Variants in LANCL2 observed in about 807,000 individuals in gnomAD.
LANCL2 encodes the protein lanC-like protein 2.
A neutral mutation model predicts 56.9 loss-of-function variants in LANCL2; 33 were observed. That is an observed-to-expected ratio of 0.58 (90% CI 0.44 to 0.78). The LOEUF is 0.78. Among genes scored for constraint, LANCL2 ranks in the 30% least tolerant of loss-of-function variants. LANCL2 has a pLI of 0.00. For missense variants in LANCL2, 562 were observed against 580.2 expected (o/e 0.97, Z 0.32); for synonymous variants, 233 against 228.2 (o/e 1.02, Z -0.19).
At chr7:55,396,199 A>G (rs533981623) in intron 2 of LANCL2, among the ~76,000 whole-genome samples, 1 of 151,964 alleles carries the variant, frequency 6.6e-6, no homozygotes, top group Non-Finnish European at 1.5e-5. Context: ...GGACCCAGTC[A>G]TAGGGGGCTC....
intron 6 of LANCL2, among the ~76,000 whole-genome samples, chr7:55,424,419 G>A (rs182202902): frequency 5.3e-5 from 8 of 152,238 alleles, no homozygotes; most frequent in Admixed American, 2.6e-4. Flanking sequence ...TAGCCTGGTG[G>A]TGCAGGGTCC....
rs972629919 is a variant in LANCL2, at chr7:55,388,214, G to C, written c.205-3579G>C. Among the ~76,000 whole-genome samples the C allele has an allele frequency of 7.9e-5, 12 of 152,244 alleles. No individual in the cohort carries two copies. In the South Asian group the frequency reaches 2.1e-3, roughly 26 times the overall value. Reference sequence around the variant, plus strand: ...TGTTAGAGACTTTTTCTCTTTTAAGGCTCGACCCCTGGATTGAACAGAAAA... The same window carrying C: ...TGTTAGAGACTTTTTCTCTTTTAAGCCTCGACCCCTGGATTGAACAGAAAA... On this transcript the variant is annotated intron_variant, in intron 1 of 8. Transcript: ENST00000254770.
At chr7:55,370,792 C>G (rs1027599226) in intron 1 of LANCL2, among the ~76,000 whole-genome samples, 1 of 152,078 alleles carries the variant, frequency 6.6e-6, no homozygotes, top group Non-Finnish European at 1.5e-5. Flanking sequence ...TACGGCATGA[C>G]TGGAGAAGAG....
chr7:55,427,065 C>T (rs919680201), intron 7 of LANCL2, among the ~76,000 whole-genome samples: 15 of 152,170 alleles, frequency 9.9e-5, no homozygotes, highest in Non-Finnish European at 1.5e-4. Flanking sequence ...TCTGTGTGTT[C>T]CTGACTCCGT....
At chr7:55,378,635 T>C (rs1790030429) in intron 1 of LANCL2, among the ~76,000 whole-genome samples, 2 of 152,080 alleles carry the variant, frequency 1.3e-5, no homozygotes, top group African/African-American at 4.8e-5. Context: ...CAAATGTAAA[T>C]AGAATTACAG....
intron 6 of LANCL2, among the ~76,000 whole-genome samples, chr7:55,415,419 A>G (rs1334295341): frequency 6.6e-6 from 1 of 152,074 alleles, no homozygotes; most frequent in Non-Finnish European, 1.5e-5. Context: ...ATGTCAGAAA[A>G]TGCTTTCATA....
intron 5 of LANCL2, among the ~76,000 whole-genome samples, chr7:55,408,996 AAAAG>A (rs1195643031): frequency 6.6e-6 from 1 of 150,852 alleles, no homozygotes; most frequent in Non-Finnish European, 1.5e-5. Flanking sequence ...AAAAAAAAAG[AAAAG>A]AAAAAAACAG....
Position 55,398,411 on chromosome 7 carries a change from A to C in LANCL2, c.323-12A>C. 1.2e-6 allele frequency: 2 copies of C among 1,604,360 alleles called. No individual in the cohort carries two copies. Among genetic ancestry groups the C allele is most frequent in the South Asian group, 1.1e-5 (1 of 90,854 alleles). Reference sequence around the variant, plus strand: ...AATAATGCTTTTCTTTTGGGGTGGGAAATTATTCCAGGCATAGCCCTTTTG... The same window carrying C: ...AATAATGCTTTTCTTTTGGGGTGGGCAATTATTCCAGGCATAGCCCTTTTG... On this transcript the variant is annotated splice_polypyrimidine_tract_variant and intron_variant, in intron 2 of 8. Coordinates refer to ENST00000254770, the MANE Select transcript of LANCL2 (RefSeq NM_018697.4).
chr7:55,386,983 A>T (rs1401158170), intron 1 of LANCL2, among the ~76,000 whole-genome samples: 1 of 152,180 alleles, frequency 6.6e-6, no homozygotes, highest in African/African-American at 2.4e-5. Context: ...AGAGATTGTT[A>T]TGCAATTTGC....
At chr7:55,403,432 G>A (rs1267783970) in intron 5 of LANCL2, among the ~76,000 whole-genome samples, 2 of 152,014 alleles carry the variant, frequency 1.3e-5, no homozygotes, top group Non-Finnish European at 2.9e-5. Flanking sequence ...GGGAGACCGT[G>A]GAAAGAGAGG....
intron 6 of LANCL2, among the ~76,000 whole-genome samples, chr7:55,416,812 A>G (rs1790544775): frequency 6.6e-6 from 1 of 151,806 alleles, no homozygotes; most frequent in South Asian, 2.1e-4. Flanking sequence ...TCTTTTTATG[A>G]TAATTACTGT....
At chr7:55,387,870 T>C (rs931679866) in intron 1 of LANCL2, among the ~76,000 whole-genome samples, 2 of 152,226 alleles carry the variant, frequency 1.3e-5, no homozygotes, top group African/African-American at 4.8e-5. Context: ...AAATTTCTTA[T>C]TATACCCTTC....
intron 1 of LANCL2, among the ~76,000 whole-genome samples, chr7:55,370,162 G>A (rs1554377835): frequency 6.6e-6 from 1 of 152,168 alleles, no homozygotes; most frequent in African/African-American, 2.4e-5. Context: ...AGTCGGCCTT[G>A]CTATGTGTTT....
At chr7:55,421,792 G>A (rs1225170840) in intron 6 of LANCL2, among the ~76,000 whole-genome samples, 1 of 152,176 alleles carries the variant, frequency 6.6e-6, no homozygotes, top group Non-Finnish European at 1.5e-5. Context: ...TAGGCAGGTG[G>A]TTCTGCTTCC....
intron 5 of LANCL2, among the ~76,000 whole-genome samples, chr7:55,403,326 G>A (rs1371875116): frequency 7.9e-5 from 12 of 152,132 alleles, no homozygotes; most frequent in South Asian, 2.1e-4. Context: ...GCCTGCAATC[G>A]CAGGCACTCG....
intron 6 of LANCL2, among the ~76,000 whole-genome samples, chr7:55,416,653 T>A (rs1790543034): frequency 6.6e-6 from 1 of 152,180 alleles, no homozygotes; most frequent in Non-Finnish European, 1.5e-5. Context: ...TTTGAAAGAA[T>A]TCTTTATATG....
chr7:55,390,974 T>C (rs1290185736), intron 1 of LANCL2, among the ~76,000 whole-genome samples: 1 of 151,610 alleles, frequency 6.6e-6, no homozygotes, highest in Non-Finnish European at 1.5e-5. Flanking sequence ...TCCATGGTAC[T>C]TGTTTTTATT....
At chr7:55,401,147 A>G (rs1790318067) in intron 4 of LANCL2, 27 bp from the exon 5 acceptor site, 1 of 1,607,718 alleles carries the variant, frequency 6.2e-7, no homozygotes, top group African/African-American at 1.3e-5. Flanking sequence ...ACAGTTTTAG[A>G]TTTATGCTGT....
At chr7:55,389,528 T>C (rs1041968856) in intron 1 of LANCL2, among the ~76,000 whole-genome samples, 1 of 152,166 alleles carries the variant, frequency 6.6e-6, no homozygotes, top group African/African-American at 2.4e-5. Context: ...AAATAGCTCT[T>C]AGGGCGAGCA....
Sources: allele counts gnomAD v4.1 joint callset (sites outside exome capture counted in the v4.1 genomes callset), GRCh38; gene constraint gnomAD v4.1.1; transcripts MANE v1.5; gene names NCBI Gene and HGNC (gene_info 2026-07-23, HGNC 2026-07-21).